Variants in NTN1 observed in about 807,000 individuals in gnomAD.
The protein encoded by NTN1 is netrin 1, also known as netrin-1.
A neutral mutation model predicts 54.2 loss-of-function variants in NTN1; 11 were observed. The observed-to-expected ratio is 0.20, with a 90% CI of 0.13 to 0.34. The LOEUF (loss-of-function observed/expected upper bound fraction) is 0.34, where lower values mean the gene tolerates loss of function less well. NTN1 is among the 10% of genes least tolerant of loss of function. The pLI is 1.00. For missense variants in NTN1, 740 were observed against 893.1 expected (o/e 0.83, Z 2.18); for synonymous variants, 371 against 382.0 (o/e 0.97, Z 0.33).
chr17:9,187,220 G>A (rs1352661764), intron 5 of NTN1, among the ~76,000 whole-genome samples: 3 of 152,120 alleles, frequency 2.0e-5, no homozygotes, highest in Admixed American at 6.5e-5. Flanking sequence ...AGTTGCTGGC[G>A]TGAGGACAGG....
At chr17:9,218,380 G>A (rs768604134) in intron 5 of NTN1, among the ~76,000 whole-genome samples, 4 of 152,208 alleles carry the variant, frequency 2.6e-5, no homozygotes, top group Non-Finnish European at 5.9e-5. Flanking sequence ...AGTGCCCAGC[G>A]CCTCATTAGT....
chr17:9,236,689 C>T (rs536485839), intron 6 of NTN1, among the ~76,000 whole-genome samples: 3 of 152,330 alleles, frequency 2.0e-5, no homozygotes, highest in Admixed American at 2.0e-4. Context: ...CCTGACTGAC[C>T]ACTGTCCATT....
At chr17:9,020,216 T>C (rs1311617778), upstream of NTN1, among the ~76,000 whole-genome samples, 1 of 152,250 alleles carries the variant, frequency 6.6e-6, no homozygotes, top group African/African-American at 2.4e-5. Context: ...AAGGCAGCCC[T>C]TGGGCCGGAA....
At chr17:9,026,374 C>G (rs1042544810) in intron 2 of NTN1, among the ~76,000 whole-genome samples, 2 of 136,090 alleles carry the variant, frequency 1.5e-5, no homozygotes, top group African/African-American at 5.7e-5. Context: ...ACTTTAAATG[C>G]AGTTTTGGAT....
rs543090105 is a variant in NTN1 at position 9,243,209 on chromosome 17, G to C, written c.*3241G>C. ...CACTGCTTCTGTCCTTGGAAAGCAG[G>C]GCAGGAGGCAGCATCCCCAGGGGCC... On this transcript the variant is annotated 3_prime_UTR_variant, in exon 7 of 7. Transcript: ENST00000173229. The C allele has an allele frequency of 6.6e-6, 1 of 152,330 alleles. No homozygotes were observed. The highest frequency in any genetic ancestry group is 1.9e-4 in the East Asian group (1 of 5,166). The allele number at this position is 152,330 out of a possible 1,614,324, so 9.4% of individuals were successfully genotyped here.
intron 2 of NTN1, among the ~76,000 whole-genome samples, chr17:9,112,676 T>G (rs1008291647): frequency 1.3e-5 from 2 of 151,644 alleles, no homozygotes; most frequent in South Asian, 4.2e-4. Flanking sequence ...ATACAAAAAA[T>G]TAGCCGGGCG....
chr17:9,136,529 A>AT (rs1329530843), intron 2 of NTN1, among the ~76,000 whole-genome samples: 3 of 152,174 alleles, frequency 2.0e-5, no homozygotes, highest in Non-Finnish European at 4.4e-5. Flanking sequence ...GTGAGCCAAG[A>AT]TTGCACCACT....
At chr17:9,110,472 G>A (rs1239180117) in intron 2 of NTN1, among the ~76,000 whole-genome samples, 1 of 152,044 alleles carries the variant, frequency 6.6e-6, no homozygotes, top group African/African-American at 2.4e-5. Context: ...GTTTCACCAT[G>A]TTGGCCAGGC....
chr17:9,178,128 C>T (rs559184986), intron 3 of NTN1, among the ~76,000 whole-genome samples: 12 of 152,156 alleles, frequency 7.9e-5, no homozygotes, highest in South Asian at 4.1e-4. Context: ...ACCCGGGAGG[C>T]GGAGGTTGCA....
At chr17:9,226,766 C>T (rs571244588) in intron 6 of NTN1, among the ~76,000 whole-genome samples, 30 of 152,108 alleles carry the variant, frequency 2.0e-4, no homozygotes, top group Non-Finnish European at 3.8e-4. Context: ...CCTTCCTCTG[C>T]GAGGAGGCGG....
intron 2 of NTN1, among the ~76,000 whole-genome samples, chr17:9,138,909 G>A (rs1341195321): frequency 6.6e-6 from 1 of 152,144 alleles, no homozygotes; most frequent in Non-Finnish European, 1.5e-5. Flanking sequence ...TGGGTGGTTG[G>A]GGCAGTGAGC....
At chr17:9,127,071 C>CGGGG (rs5819215) in intron 2 of NTN1, among the ~76,000 whole-genome samples, 8 of 81,892 alleles carry the variant, frequency 9.8e-5, no homozygotes, top group South Asian at 4.4e-4. Flanking sequence ...GTGGTAGGGC[C>CGGGG]GGGGGGGGGC....
chr17:9,190,793 A>G (rs1904432341), intron 5 of NTN1, among the ~76,000 whole-genome samples: 1 of 152,058 alleles, frequency 6.6e-6, no homozygotes, highest in Admixed American at 6.6e-5. Context: ...CGGAGGTTGC[A>G]GTGAGCCGAG....
At chr17:9,105,648 GTCTCTCTCTCTTTC>G (rs1567711662) in intron 2 of NTN1, among the ~76,000 whole-genome samples, 1 of 149,772 alleles carries the variant, frequency 6.7e-6, no homozygotes. Context: ...GATCTGTTCT[GTCTCTCTCTCTTTC>G]TCTCTCTCTC....
chr17:9,047,457 C>G (rs1194426074), intron 2 of NTN1, among the ~76,000 whole-genome samples: 1 of 152,120 alleles, frequency 6.6e-6, no homozygotes, highest in East Asian at 1.9e-4. Context: ...AAACCACTTT[C>G]TTTGTCATCC....
At chr17:9,145,671 C>G (rs530754445) in intron 2 of NTN1, among the ~76,000 whole-genome samples, 30 of 152,290 alleles carry the variant, frequency 2.0e-4, no homozygotes, top group African/African-American at 6.3e-4. Flanking sequence ...AATCCCAGCA[C>G]TTTGGGAGGC....
intron 2 of NTN1, among the ~76,000 whole-genome samples, chr17:9,111,636 C>A (rs1211270495): frequency 6.6e-6 from 1 of 152,076 alleles, no homozygotes; most frequent in African/African-American, 2.4e-5. Context: ...CTACTAATAG[C>A]CTGTTGACAG....
chr17:9,198,306 A>G (rs1391380811), intron 5 of NTN1, among the ~76,000 whole-genome samples: 4 of 152,188 alleles, frequency 2.6e-5, no homozygotes, highest in African/African-American at 9.7e-5. Flanking sequence ...GGGCAGTGAT[A>G]CCTGCCCAAG....
intron 5 of NTN1, among the ~76,000 whole-genome samples, chr17:9,205,973 G>A (rs943955893): frequency 6.6e-5 from 10 of 152,302 alleles, no homozygotes; most frequent in African/African-American, 2.4e-4. Flanking sequence ...TGCTCCTGCC[G>A]CAGACGGGCT....
Sources: allele counts gnomAD v4.1 joint callset (sites outside exome capture counted in the v4.1 genomes callset), GRCh38; gene constraint gnomAD v4.1.1; transcripts MANE v1.5; gene names NCBI Gene and HGNC (gene_info 2026-07-23, HGNC 2026-07-21).